The following KANSL3 variants were observed in gnomAD, a reference collection of about 807,000 sequenced individuals.
KANSL3 encodes the protein KAT8 regulatory NSL complex subunit 3, also known as NSL complex protein NSL3.
In KANSL3, 16 loss-of-function variants were observed where a neutral mutation model predicts 89.2. The observed-to-expected ratio is 0.18, with a 90% confidence interval of 0.12 to 0.27. The LOEUF (loss-of-function observed/expected upper bound fraction) is 0.27, where lower values mean the gene tolerates loss of function less well. Among genes scored for constraint, KANSL3 ranks in the 10% least tolerant of loss-of-function variants. The pLI, the probability that KANSL3 is intolerant of heterozygous loss-of-function variation, is 1.00. For missense variants in KANSL3, 879 were observed against 1,110.6 expected (o/e 0.79, Z 2.96); for synonymous variants, 385 against 419.7 (o/e 0.92, Z 1.01).
At chr2:96,632,881 G>A (rs1398960027) in intron 2 of KANSL3, among the ~76,000 whole-genome samples, 1 of 151,334 alleles carries the variant, frequency 6.6e-6, no homozygotes, top group African/African-American at 2.4e-5. Context: ...AAGGAGAACG[G>A]TGTGAACCCA....
chr2:96,610,012 A>ACTC (rs2105379753), intron 11 of KANSL3, among the ~76,000 whole-genome samples: 1 of 147,096 alleles, frequency 6.8e-6, no homozygotes, highest in East Asian at 2.1e-4. Flanking sequence ...AGATGGAGGA[A>ACTC]CTCTATCAAA....
downstream of KANSL3, among the ~76,000 whole-genome samples, chr2:96,590,943 G>A (rs531424686): frequency 2.0e-5 from 3 of 152,080 alleles, no homozygotes; most frequent in Non-Finnish European, 4.4e-5. Context: ...CTGAGATCGT[G>A]CCACTGCACT....
intron 5 of KANSL3, among the ~76,000 whole-genome samples, chr2:96,617,932 G>A (rs998873408): frequency 2.0e-5 from 3 of 150,316 alleles, no homozygotes; most frequent in Admixed American, 6.6e-5. Flanking sequence ...GCAGTGAGCC[G>A]AGATCGTGCC....
chr2:96,602,782 C>T lies in KANSL3; in HGVS notation c.2230G>A (p.Ala744Thr). ...GGGGCTGGTCCTGGGGAGGGATTTG[C>T]TGGAAGGCCAGAGGTCTTGCTGCTG... ...DISSKTSGLP[A>T]NPSPGPAPQA... The change falls in exon 18 of 21, where the codon GCA becomes ACA. Residue 744 changes from alanine (A) to threonine (T), a missense_variant. Ala to Thr is a moderately conservative substitution (Grantham distance 58, BLOSUM62 0). This residue lies in a region of KANSL3 where 89 missense variants were observed against 139.7 expected (regional missense o/e 0.64). Coordinates refer to ENST00000431828, the MANE Select transcript of KANSL3 (RefSeq NM_001115016.3). 6.2e-7 allele frequency: 1 copy of T among 1,607,102 alleles called. No individual in the cohort carries two copies. The highest frequency in any genetic ancestry group is 8.5e-7 in the Non-Finnish European group (1 of 1,176,352).
intron 17 of KANSL3, 109 bp downstream of exon 17, chr2:96,604,140 CA>C: frequency 7.8e-7 from 1 of 1,277,952 alleles, no homozygotes; most frequent in Non-Finnish European, 1.1e-6. Flanking sequence ...CTCTAAGACC[CA>C]GAGGCCCATC....
chr2:96,605,208 G>T, intron 15 of KANSL3, 112 bp downstream of exon 15: 2 of 923,592 alleles, frequency 2.2e-6, no homozygotes, highest in Non-Finnish European at 3.3e-6. Flanking sequence ...CTTTGCTCCG[G>T]GCATCTCTCA....
At chr2:96,609,598 C>A (rs202110272) in intron 11 of KANSL3, 36 bp from the exon 12 acceptor site, 2 of 1,523,942 alleles carry the variant, frequency 1.3e-6, no homozygotes, top group African/African-American at 2.7e-5. Flanking sequence ...TTACTTCTTA[C>A]ACATTGCACG....
intron 6 of KANSL3, among the ~76,000 whole-genome samples, chr2:96,613,226 C>A (rs905419923): frequency 6.6e-6 from 1 of 150,878 alleles, no homozygotes; most frequent in Non-Finnish European, 1.5e-5. Context: ...TGAAAATTAG[C>A]TGGGCATGGT....
chr2:96,612,956 CA>C, intron 6 of KANSL3, 22 bp from the exon 7 acceptor site: 3 of 1,487,020 alleles, frequency 2.0e-6, no homozygotes, highest in Non-Finnish European at 2.8e-6. Context: ...GAATCCCACC[CA>C]AAAACCAGTG....
rs201372384 is a variant in KANSL3, at chr2:96,613,488, T to C, written c.795A>G (p.Pro265=). 1,060 of 1,613,118 alleles carry C rather than the reference T, an allele frequency of 6.6e-4. 1 individual carries two copies. The highest frequency in any genetic ancestry group is 1.2e-3 in the South Asian group (112 of 91,046). ...TTAAGTCCTGAGCCATCCAACTTACTGGTTTGTTATGAGAAAGCACACCCA... is the reference window on the plus strand; with the variant it reads ...TTAAGTCCTGAGCCATCCAACTTACCGGTTTGTTATGAGAAAGCACACCCA... ...PAVGVLSHNK[P]SKLPGSPLIL... Residue 265 remains proline, a splice_region_variant and synonymous_variant, in exon 6 of 21, where the codon CCA becomes CCG. Transcript: ENST00000431828.
At chr2:96,632,792 C>G (rs2073625544) in intron 2 of KANSL3, among the ~76,000 whole-genome samples, 1 of 151,966 alleles carries the variant, frequency 6.6e-6, no homozygotes, top group African/African-American at 2.4e-5. Context: ...TGGAGAAACC[C>G]CGTCTCTACT....
chr2:96,596,627 A>C (rs1276803760), intron 20 of KANSL3, among the ~76,000 whole-genome samples: 1 of 152,230 alleles, frequency 6.6e-6, no homozygotes, highest in African/African-American at 2.4e-5. Context: ...GCAATATAGC[A>C]AGACCCCATC....
chr2:96,595,608 T>C lies in KANSL3; in HGVS notation c.*3A>G. 6.2e-7 allele frequency: 1 copy of C among 1,613,714 alleles called. No homozygotes were observed. The highest frequency in any genetic ancestry group is 8.5e-7 in the Non-Finnish European group (1 of 1,179,782). Reference sequence around the variant, plus strand: ...GGTAAGGAGGACATATCACACAGCATCTTCAGGGTGCTGGAGGCAGGCGCT... The same window carrying C: ...GGTAAGGAGGACATATCACACAGCACCTTCAGGGTGCTGGAGGCAGGCGCT... On this transcript the variant is annotated 3_prime_UTR_variant, in exon 21 of 21. Transcript: ENST00000431828.
chr2:96,606,805 C>G (rs1400314277), intron 14 of KANSL3: 1 of 348,548 alleles, frequency 2.9e-6, no homozygotes, highest in African/African-American at 2.2e-5. Flanking sequence ...GCAAAGACTA[C>G]AGAGTAAGCA....
chr2:96,608,676 G>GA lies in KANSL3; in HGVS notation c.1585-13dup, dbSNP rs750313140. 5.0e-5 allele frequency: 80 copies of GA among 1,613,912 alleles called. No individual in the cohort carries two copies. The highest frequency in any genetic ancestry group is 1.6e-4 in the South Asian group (15 of 91,074). ...ACACTGGAGAGATCCTGAGTAAGGT[G>GA]AGAAGGTCAAGAGATGAGACAATGT... On this transcript the variant is annotated splice_polypyrimidine_tract_variant and intron_variant, in intron 13 of 20. Transcript: ENST00000431828.
rs375428979 is a variant in KANSL3 at position 96,604,323 on chromosome 2, G to C, written c.2076C>G (p.Ser692Arg). The change falls in exon 17 of 21, where the codon AGC (serine) becomes AGG (arginine). Residue 692 changes from serine (S) to arginine (R), a missense_variant. Transcript: ENST00000431828. The part of the protein sequence containing the change: ...SASPVPSVVS[S>R]STAPSALHTL... Reference sequence around the variant, plus strand: ...TGTGCAAGGCACTGGGTGCAGTGCTGCTGGAGACCACTGAAGGGACTGGGC... The same window carrying C: ...TGTGCAAGGCACTGGGTGCAGTGCTCCTGGAGACCACTGAAGGGACTGGGC... The C allele has an allele frequency of 1.3e-5, 21 of 1,613,232 alleles. No individual in the cohort carries two copies. The highest frequency in any genetic ancestry group is 1.6e-4 in the Middle Eastern group (1 of 6,084).
At chr2:96,602,974 T>C in intron 17 of KANSL3, 112 bp from the exon 18 acceptor site, 1 of 914,764 alleles carries the variant, frequency 1.1e-6, no homozygotes, top group Non-Finnish European at 1.7e-6. Context: ...GTGCTTGCCC[T>C]TGGACACCCG....
intron 3 of KANSL3, among the ~76,000 whole-genome samples, chr2:96,629,692 C>A (rs763908990): frequency 1.3e-5 from 2 of 152,214 alleles, no homozygotes. Flanking sequence ...AGGTGCAGAA[C>A]TGCTCCTCCC....
intron 12 of KANSL3, 100 bp from the exon 13 acceptor site, chr2:96,609,164 G>A (rs1404611365): frequency 2.8e-6 from 3 of 1,090,496 alleles, no homozygotes; most frequent in African/African-American, 1.6e-5. Context: ...CCTCAGCTCT[G>A]GCATCCGCAT....
Sources: gnomAD v4.1 joint callset for allele counts (sites outside exome capture counted in the v4.1 genomes callset) on GRCh38, gnomAD v4.1.1 for gene constraint, gnomAD v4.1.1 regional missense constraint, MANE v1.5 for transcripts, NCBI Gene and HGNC (gene_info 2026-07-23, HGNC 2026-07-21) for gene names.